The following LYN variants were observed in gnomAD, a reference collection of about 807,000 sequenced individuals.
LYN encodes tyrosine-protein kinase Lyn.
LYN carries 12 observed loss-of-function variants against 65.0 expected under a neutral mutation model. The ratio of observed to expected loss-of-function variants is 0.18; its 90% confidence interval spans 0.12 to 0.30. The LOEUF is 0.30. Ranked by LOEUF, LYN falls within the 10% of genes least tolerant of loss-of-function variation. The probability of loss-of-function intolerance (pLI) is 1.00; values close to 1 mark genes in which losing one functional copy is unlikely to be tolerated. For synonymous variants in LYN, 222 were observed against 221.2 expected, an observed-to-expected ratio of 1.00 and a Z score of -0.03; for missense variants, 380 against 623.2, an observed-to-expected ratio of 0.61 and a Z score of 4.16.
chr8:55,939,823 C>T (rs1215207445), intron 1 of LYN, among the ~76,000 whole-genome samples: 1 of 152,206 alleles, frequency 6.6e-6, no homozygotes, highest in Non-Finnish European at 1.5e-5. Flanking sequence ...AACTCCCATG[C>T]TTACTTAGAG....
chr8:56,014,067 C>T lies in LYN; in HGVS notation c.*3957C>T, dbSNP rs1020379300. ...CCCTGGAAGATCTGGACAATGCTAT[C>T]ACTATTTCACAGCTGAGAGATCGGG... On this transcript the variant is annotated 3_prime_UTR_variant, in exon 13 of 13. Transcript: ENST00000519728. 6.6e-6 allele frequency: 1 copy of T among 152,202 alleles called. No homozygotes were observed. The highest frequency in any genetic ancestry group is 2.4e-5 in the African/African-American group (1 of 41,444). The allele number at this position is 152,202 out of a possible 1,614,324, so 9.4% of individuals were successfully genotyped here.
chr8:55,924,595 C>A (rs1806046520), intron 1 of LYN, among the ~76,000 whole-genome samples: 1 of 151,832 alleles, frequency 6.6e-6, no homozygotes, highest in Non-Finnish European at 1.5e-5. Context: ...AACTCCTGAC[C>A]TCACGTAATC....
chr8:55,977,920 T>TA (rs1280356621), intron 10 of LYN, among the ~76,000 whole-genome samples: 3 of 151,938 alleles, frequency 2.0e-5, no homozygotes, highest in South Asian at 4.2e-4. Context: ...ACCCTGCCTC[T>TA]AAAAAAACAA....
chr8:55,947,594 G>A lies in LYN; in HGVS notation c.179-24G>A, dbSNP rs113383457. 252 of 1,512,314 alleles carry A rather than the reference G, an allele frequency of 1.7e-4. 2 individuals are homozygous for A. The African/African-American group carries it at 2.9e-3, about 18-fold the overall frequency. 93.7% of individuals were successfully genotyped at this position (1,512,314 alleles called of 1,614,324 possible). The stretch of plus-strand genomic sequence containing the variant: ...CGCTTCTGCTGATGGATTCTTACAG[G>A]TGTTCTCTTGTGTTCATCTTTAGAT... On this transcript the variant is annotated intron_variant, in intron 3 of 12. Coordinates refer to ENST00000519728, the MANE Select transcript of LYN (RefSeq NM_002350.4).
At chr8:55,936,565 G>A (rs771178430) in intron 1 of LYN, among the ~76,000 whole-genome samples, 32 of 152,154 alleles carry the variant, frequency 2.1e-4, no homozygotes, top group African/African-American at 6.7e-4. Context: ...GCTTGGGCCC[G>A]GGAGGCAGAG....
rs1805468256 is a variant in LYN at position 55,907,691 on chromosome 8, A to G, written c.-6+27588A>G. ...AGACCAGCCTAGGCAACATAGGGAG[A>G]CCCTGTTTCTACAAAAATAAAAAAA... On this transcript the variant is annotated intron_variant, in intron 1 of 12. Coordinates refer to ENST00000519728, the MANE Select transcript of LYN (RefSeq NM_002350.4). 2.6e-5 allele frequency among the ~76,000 whole-genome samples: 4 copies of G among 151,894 alleles called. No homozygotes were observed. In the South Asian group the frequency reaches 6.2e-4, roughly 24 times the overall value.
chr8:55,977,808 A>G (rs745537489), intron 10 of LYN, among the ~76,000 whole-genome samples: 3 of 151,694 alleles, frequency 2.0e-5, no homozygotes, highest in Non-Finnish European at 4.4e-5. Context: ...AATCCCAGCT[A>G]CTCAGGAGGC....
At chr8:56,002,427 A>AAT (rs1397472490) in intron 12 of LYN, among the ~76,000 whole-genome samples, 1 of 131,420 alleles carries the variant, frequency 7.6e-6, no homozygotes, top group African/African-American at 3.6e-5. Flanking sequence ...TTAAAAAAAT[A>AAT]AAAAAAAAAA....
At chr8:55,896,504 G>C (rs1047566287) in intron 1 of LYN, among the ~76,000 whole-genome samples, 7 of 151,940 alleles carry the variant, frequency 4.6e-5, no homozygotes, top group Non-Finnish European at 8.8e-5. Context: ...GGGCCTGTCG[G>C]GGGGTGGGGG....
At chr8:55,980,407 T>C (rs1807885676) in intron 10 of LYN, 2 of 152,320 alleles carry the variant, frequency 1.3e-5, no homozygotes. Flanking sequence ...AGTCACCATA[T>C]TGATTCCGAA....
chr8:55,981,406 C>A (rs1232544177), intron 10 of LYN, among the ~76,000 whole-genome samples: 3 of 152,218 alleles, frequency 2.0e-5, no homozygotes, highest in Non-Finnish European at 2.9e-5. Flanking sequence ...GATGACTATA[C>A]TGGCCACTTA....
chr8:55,942,317 A>ATATATG (rs781539680), intron 2 of LYN, among the ~76,000 whole-genome samples: 121 of 136,868 alleles, frequency 8.8e-4, no homozygotes, highest in African/African-American at 3.4e-3. Context: ...ATGTGTATAT[A>ATATATG]TGTATATATA....
At chr8:55,928,129 A>G (rs1220709188) in intron 1 of LYN, among the ~76,000 whole-genome samples, 3 of 152,068 alleles carry the variant, frequency 2.0e-5, no homozygotes, top group Non-Finnish European at 2.9e-5. Flanking sequence ...GTAGTAGAGT[A>G]TATCTCATTG....
intron 1 of LYN, among the ~76,000 whole-genome samples, chr8:55,920,480 G>C (rs1376008111): frequency 1.3e-5 from 2 of 152,216 alleles, no homozygotes; most frequent in African/African-American, 2.4e-5. Context: ...TGCTCTGAGA[G>C]AGCATTTAAC....
chr8:55,923,631 C>T lies in LYN; in HGVS notation c.-5-18224C>T, dbSNP rs1806005882. ...CTCAGCTCACTGCAACCTCCGCCTCCTGGGTTCAAGCGATTCTCCTGCCTC... is the reference window on the plus strand; with the variant it reads ...CTCAGCTCACTGCAACCTCCGCCTCTTGGGTTCAAGCGATTCTCCTGCCTC... On this transcript the variant is annotated intron_variant, in intron 1 of 12. Coordinates refer to ENST00000519728, the MANE Select transcript of LYN (RefSeq NM_002350.4). 2.0e-5 allele frequency among the ~76,000 whole-genome samples: 3 copies of T among 152,102 alleles called. No homozygotes were observed. In the South Asian group the frequency reaches 6.2e-4, roughly 32 times the overall value.
At chr8:55,978,717 C>T (rs2130547017) in intron 10 of LYN, among the ~76,000 whole-genome samples, 1 of 152,312 alleles carries the variant, frequency 6.6e-6, no homozygotes, top group East Asian at 1.9e-4. Context: ...GGGGTTGCAG[C>T]GCAGGCGACG....
At position 55,948,265 on chromosome 8, in the gene LYN, C is replaced by A. The variant is rs188477388; in HGVS notation, c.284+542C>A. On this transcript the variant is annotated intron_variant, in intron 4 of 12. Transcript: ENST00000519728. The stretch of plus-strand genomic sequence containing the variant: ...CTGGGATTACAGGTGTGAGCCACCA[C>A]ACCCAGCCTGGTTTCTTTCTTTATC... 2.7e-3 allele frequency among the ~76,000 whole-genome samples: 411 copies of A among 152,336 alleles called. 1 individual carries two copies. Among genetic ancestry groups the A allele is most frequent in the African/African-American group, 9.5e-3 (395 of 41,582 alleles).
chr8:56,008,197 G>A (rs1808726239), intron 12 of LYN, among the ~76,000 whole-genome samples: 1 of 151,990 alleles, frequency 6.6e-6, no homozygotes, highest in Admixed American at 6.6e-5. Context: ...ATCCCAAATT[G>A]TTGATCCCAA....
At chr8:56,008,532 C>T (rs890424048) in intron 12 of LYN, among the ~76,000 whole-genome samples, 2 of 152,166 alleles carry the variant, frequency 1.3e-5, no homozygotes, top group Non-Finnish European at 2.9e-5. Flanking sequence ...ATAGATACTG[C>T]TAGATGAGCA....
Sources: gnomAD v4.1 joint callset for allele counts (sites outside exome capture counted in the v4.1 genomes callset) on GRCh38, gnomAD v4.1.1 for gene constraint, MANE v1.5 for transcripts, NCBI Gene and HGNC (gene_info 2026-07-23, HGNC 2026-07-21) for gene names.